The following MYO3B variants were observed in gnomAD, a reference collection of about 807,000 sequenced individuals.
MYO3B encodes myosin-IIIb.
Under a neutral mutation model 174.6 loss-of-function variants are expected in MYO3B, and 156 were observed. The ratio of observed to expected loss-of-function variants is 0.89; its 90% CI spans 0.78 to 1.02. The LOEUF (loss-of-function observed/expected upper bound fraction) is 1.02. Among genes scored for constraint, MYO3B ranks in the 50% least tolerant of loss-of-function variants. The pLI, the probability that MYO3B is intolerant of heterozygous loss-of-function variation, is 0.00. For synonymous variants in MYO3B, 563 were observed against 569.1 expected, an observed-to-expected ratio of 0.99 and a Z score of 0.15; for missense variants, 1,632 against 1,639.4, an observed-to-expected ratio of 1.00 and a Z score of 0.08.
intron 22 of MYO3B, among the ~76,000 whole-genome samples, chr2:170,439,603 G>A (rs1395167243): frequency 6.6e-6 from 1 of 151,946 alleles, no homozygotes; most frequent in African/African-American, 2.4e-5. Context: ...CCCATGTTTT[G>A]GTTTCATATC....
chr2:170,354,646 CAT>C (rs1388384598), intron 8 of MYO3B, among the ~76,000 whole-genome samples: 7 of 152,252 alleles, frequency 4.6e-5, no homozygotes, highest in African/African-American at 1.7e-4. Context: ...CTCTTGGGAA[CAT>C]GTGTTGGTTG....
intron 25 of MYO3B, among the ~76,000 whole-genome samples, chr2:170,492,606 G>A (rs904675169): frequency 3.9e-5 from 6 of 152,194 alleles, no homozygotes; most frequent in Admixed American, 2.0e-4. Context: ...CCATAATTAA[G>A]TTGTCTTTCA....
chr2:170,401,722 G>A (rs768289057), intron 18 of MYO3B, 31 bp downstream of exon 18: 25 of 1,598,588 alleles, frequency 1.6e-5, no homozygotes, highest in Non-Finnish European at 2.1e-5. Flanking sequence ...AGGGTCTCAG[G>A]AGAGCTGTCA....
rs145970546 is a variant in MYO3B at position 170,254,435 on chromosome 2, G to C, written c.749+18299G>C. 6.6e-5 allele frequency among the ~76,000 whole-genome samples: 10 copies of C among 152,132 alleles called. 1 individual carries two copies. The highest frequency in any genetic ancestry group is 2.6e-4 in the Admixed American group (4 of 15,272). ...GAGCTGCCTTTCCTGCGGGACTCGG[G>C]GGGGCGCATCTGATCTGCATGCTCC... On this transcript the variant is annotated intron_variant, in intron 7 of 34. Coordinates refer to ENST00000408978, the MANE Select transcript of MYO3B (RefSeq NM_138995.5).
intron 7 of MYO3B, among the ~76,000 whole-genome samples, chr2:170,265,194 T>C (rs1315002114): frequency 2.6e-5 from 4 of 152,206 alleles, no homozygotes; most frequent in African/African-American, 7.2e-5. Flanking sequence ...CTTCCTCTAG[T>C]TGGAGACAGA....
At chr2:170,293,131 C>T (rs2093606790) in intron 7 of MYO3B, among the ~76,000 whole-genome samples, 1 of 152,048 alleles carries the variant, frequency 6.6e-6, no homozygotes, top group Non-Finnish European at 1.5e-5. Flanking sequence ...GCATCTCATC[C>T]TCATATTTGA....
intron 13 of MYO3B, among the ~76,000 whole-genome samples, chr2:170,386,659 G>C (rs2094377733): frequency 6.6e-6 from 1 of 152,198 alleles, no homozygotes; most frequent in African/African-American, 2.4e-5. Flanking sequence ...AAAATTTTCA[G>C]CTTGGTGAAA....
chr2:170,327,736 G>T (rs1482059890), intron 7 of MYO3B, among the ~76,000 whole-genome samples: 3 of 151,468 alleles, frequency 2.0e-5, no homozygotes, highest in Admixed American at 2.0e-4. Flanking sequence ...ATTTAATGAC[G>T]GTATAGTATG....
chr2:170,200,328 C>T, intron 3 of MYO3B, 44 bp downstream of exon 3: 1 of 1,584,274 alleles, frequency 6.3e-7, no homozygotes, highest in Non-Finnish European at 8.6e-7. Context: ...AACAGAGTGC[C>T]AGAGGCCAAC....
intron 7 of MYO3B, among the ~76,000 whole-genome samples, chr2:170,266,482 A>G (rs2093384421): frequency 6.6e-6 from 1 of 152,158 alleles, no homozygotes; most frequent in South Asian, 2.1e-4. Context: ...GAATATTCTT[A>G]AGGTCATTCT....
intron 32 of MYO3B, among the ~76,000 whole-genome samples, chr2:170,577,845 TCAAA>T (rs1485372676): frequency 6.6e-6 from 1 of 152,172 alleles, no homozygotes; most frequent in African/African-American, 2.4e-5. Context: ...CTTCACAACA[TCAAA>T]CACTTAATAA....
intron 28 of MYO3B, among the ~76,000 whole-genome samples, chr2:170,513,241 G>A (rs1007948911): frequency 6.6e-6 from 1 of 152,080 alleles, no homozygotes; most frequent in African/African-American, 2.4e-5. Flanking sequence ...ACCACAAACT[G>A]TGTAGCTGAA....
rs1366017501 is a variant in MYO3B at position 170,369,244 on chromosome 2, A to AG, written c.840dup (p.Arg281AlafsTer9). On this transcript the variant is annotated frameshift_variant, in exon 9 of 35. Coordinates refer to ENST00000408978, the MANE Select transcript of MYO3B (RefSeq NM_138995.5). LOFTEE classifies it high-confidence loss of function. ...CAGGTGTCTTATTAAGGATTTTGAA[A>AG]GGCGACCTTCCGTCACACATCTCCT... The AG allele has an allele frequency of 1.9e-6, 3 of 1,613,148 alleles. No individual in the cohort carries two copies. Among genetic ancestry groups the AG allele is most frequent in the Non-Finnish European group, 2.5e-6 (3 of 1,179,504 alleles).
At chr2:170,193,144 T>A (rs1235061584) in intron 1 of MYO3B, among the ~76,000 whole-genome samples, 2 of 152,002 alleles carry the variant, frequency 1.3e-5, no homozygotes, top group Non-Finnish European at 2.9e-5. Context: ...TATAAGTTTA[T>A]GCTTTTATGA....
chr2:170,270,160 G>A (rs915023840), intron 7 of MYO3B, among the ~76,000 whole-genome samples: 1 of 152,142 alleles, frequency 6.6e-6, no homozygotes, highest in Non-Finnish European at 1.5e-5. Context: ...GAGGAGGGGA[G>A]TTATTTTACT....
At chr2:170,505,872 G>T (rs1156931932) in intron 28 of MYO3B, among the ~76,000 whole-genome samples, 1 of 152,208 alleles carries the variant, frequency 6.6e-6, no homozygotes, top group Non-Finnish European at 1.5e-5. Context: ...CGGAAGAGAC[G>T]CTAGTTTACA....
chr2:170,266,822 C>T (rs2093387316), intron 7 of MYO3B, among the ~76,000 whole-genome samples: 1 of 152,204 alleles, frequency 6.6e-6, no homozygotes, highest in African/African-American at 2.4e-5. Flanking sequence ...GGAATGACAA[C>T]ACTTGGCATC....
chr2:170,516,821 C>T (rs1180909955), intron 29 of MYO3B, among the ~76,000 whole-genome samples: 1 of 152,170 alleles, frequency 6.6e-6, no homozygotes, highest in East Asian at 1.9e-4. Context: ...CACACCTGTA[C>T]ATTCCCCAAG....
chr2:170,558,168 G>A (rs924294911), intron 32 of MYO3B, among the ~76,000 whole-genome samples: 1 of 151,990 alleles, frequency 6.6e-6, no homozygotes, highest in Non-Finnish European at 1.5e-5. Context: ...GAGCATGGTG[G>A]CGGGCGCCTG....
Sources: allele counts gnomAD v4.1 joint callset (sites outside exome capture counted in the v4.1 genomes callset), GRCh38; gene constraint gnomAD v4.1.1; transcripts MANE v1.5; gene names NCBI Gene and HGNC (gene_info 2026-07-23, HGNC 2026-07-21).